The following KCNJ6 variants were observed in gnomAD, a reference collection of about 807,000 sequenced individuals.
KCNJ6 encodes the protein potassium inwardly rectifying channel subfamily J member 6, also known as G protein-activated inward rectifier potassium channel 2.
A neutral mutation model predicts 34.2 loss-of-function variants in KCNJ6; 9 were observed. The ratio of observed to expected loss-of-function variants is 0.26; its 90% CI spans 0.16 to 0.46. The LOEUF (loss-of-function observed/expected upper bound fraction) is 0.46, where lower values mean the gene tolerates loss of function less well. KCNJ6 is among the 20% of genes least tolerant of loss of function. The probability of loss-of-function intolerance (pLI) is 1.00; values close to 1 mark genes in which losing one functional copy is unlikely to be tolerated. For synonymous variants in KCNJ6, 196 were observed against 207.1 expected (o/e 0.95, Z 0.46); for missense variants, 236 against 531.3 (o/e 0.44, Z 5.46).
chr21:37,776,738 G>A (rs1406994088), intron 2 of KCNJ6, among the ~76,000 whole-genome samples: 1 of 152,174 alleles, frequency 6.6e-6, no homozygotes, highest in South Asian at 2.1e-4. Context: ...TGTGCTGCTG[G>A]ATTTGGTTTG....
At chr21:37,879,088 A>T (rs1415958944) in intron 1 of KCNJ6, among the ~76,000 whole-genome samples, 1 of 152,210 alleles carries the variant, frequency 6.6e-6, no homozygotes, top group African/African-American at 2.4e-5. Flanking sequence ...AGTCAATGCA[A>T]CAGACGGTGA....
At chr21:37,763,431 G>T (rs566332763) in intron 2 of KCNJ6, among the ~76,000 whole-genome samples, 265 of 152,292 alleles carry the variant, frequency 1.7e-3, no homozygotes, top group African/African-American at 6.1e-3. Flanking sequence ...GAGCCACAGA[G>T]CTCGGCCCTT....
chr21:37,799,628 C>T (rs2055259939), intron 2 of KCNJ6, among the ~76,000 whole-genome samples: 1 of 152,132 alleles, frequency 6.6e-6, no homozygotes, highest in Non-Finnish European at 1.5e-5. Context: ...CAGATATTCC[C>T]ATTTTGTAAA....
At chr21:37,803,451 G>A (rs2055279194) in intron 2 of KCNJ6, among the ~76,000 whole-genome samples, 1 of 152,302 alleles carries the variant, frequency 6.6e-6, no homozygotes, top group South Asian at 2.1e-4. Flanking sequence ...GAGATTCATG[G>A]TATATAGTGA....
intron 1 of KCNJ6, among the ~76,000 whole-genome samples, chr21:37,886,178 G>A (rs923254817): frequency 2.0e-5 from 3 of 152,100 alleles, no homozygotes; most frequent in Non-Finnish European, 1.5e-5. Flanking sequence ...AAAAAATTGG[G>A]GGTAGGGGAA....
In KCNJ6 at chr21:37,893,701, A is replaced by G. The variant is rs192005950; in HGVS notation, c.-28+22183T>C. 5.3e-3 allele frequency among the ~76,000 whole-genome samples: 493 copies of G among 92,566 alleles called. 4 individuals carry two copies. Among genetic ancestry groups the G allele is most frequent in the Admixed American group, 8.1e-3 (71 of 8,730 alleles). The allele number at this position is 92,566 out of a possible 152,430, so 60.7% of individuals were successfully genotyped here. On this transcript the variant is annotated intron_variant, in intron 1 of 3. Coordinates refer to ENST00000609713, the MANE Select transcript of KCNJ6 (RefSeq NM_002240.5). ...GCTTTTTGACATTTCTGTCCAACAA[A>G]TACTACCTTGGGTTCTGGATTATAT...
At chr21:37,816,851 G>GC (rs2055349360) in intron 2 of KCNJ6, among the ~76,000 whole-genome samples, 1 of 152,146 alleles carries the variant, frequency 6.6e-6, no homozygotes, top group South Asian at 2.1e-4. Flanking sequence ...AGAGAAGCAA[G>GC]CCCCCCGTCC....
chr21:37,740,612 C>G (rs966711932), intron 2 of KCNJ6, among the ~76,000 whole-genome samples: 11 of 152,234 alleles, frequency 7.2e-5, no homozygotes, highest in Non-Finnish European at 1.6e-4. Context: ...AAGCTGCACC[C>G]TGACCACCTT....
intron 1 of KCNJ6, among the ~76,000 whole-genome samples, chr21:37,854,136 C>CA (rs1601502619): frequency 6.6e-6 from 1 of 150,782 alleles, no homozygotes; most frequent in East Asian, 1.9e-4. Flanking sequence ...AATTAAAAAA[C>CA]AGAGATTAGC....
At chr21:37,762,865 G>A (rs947156554) in intron 2 of KCNJ6, among the ~76,000 whole-genome samples, 1 of 152,238 alleles carries the variant, frequency 6.6e-6, no homozygotes, top group African/African-American at 2.4e-5. Context: ...GCATGGGCCT[G>A]TCTGCAACAC....
At chr21:37,757,562 G>T (rs113617971) in intron 2 of KCNJ6, among the ~76,000 whole-genome samples, 2 of 142,070 alleles carry the variant, frequency 1.4e-5, no homozygotes, top group African/African-American at 5.2e-5. Flanking sequence ...CAGCATGATG[G>T]TTCCAGCCCA....
chr21:37,862,338 C>T (rs1252409630), intron 1 of KCNJ6, among the ~76,000 whole-genome samples: 1 of 152,152 alleles, frequency 6.6e-6, no homozygotes, highest in Non-Finnish European at 1.5e-5. Context: ...GCAGAGAAGT[C>T]TTCTATTTTA....
At chr21:37,717,855 GT>G (rs2054801997) in intron 2 of KCNJ6, among the ~76,000 whole-genome samples, 5 of 152,134 alleles carry the variant, frequency 3.3e-5, no homozygotes, top group Admixed American at 3.3e-4. Flanking sequence ...CTTAAAAAAT[GT>G]TACAAAGGAA....
chr21:37,744,765 A>G (rs2054958739), intron 2 of KCNJ6, among the ~76,000 whole-genome samples: 1 of 152,202 alleles, frequency 6.6e-6, no homozygotes, highest in Non-Finnish European at 1.5e-5. Flanking sequence ...AGGGAAGGCA[A>G]CAGTGGGGGG....
chr21:37,822,707 CTT>C (rs35862171), intron 2 of KCNJ6, among the ~76,000 whole-genome samples: 2 of 152,094 alleles, frequency 1.3e-5, no homozygotes, highest in African/African-American at 2.4e-5. Flanking sequence ...TTTTGATTGT[CTT>C]TTGTGAGGAT....
chr21:37,854,746 G>A (rs948857575), intron 1 of KCNJ6, among the ~76,000 whole-genome samples: 2 of 66,316 alleles, frequency 3.0e-5, no homozygotes, highest in African/African-American at 7.9e-5. Context: ...AATATCACAT[G>A]AGATATTCAT....
At chr21:37,650,145 C>T (rs1329234594) in intron 3 of KCNJ6, among the ~76,000 whole-genome samples, 1 of 152,150 alleles carries the variant, frequency 6.6e-6, no homozygotes, top group African/African-American at 2.4e-5. Flanking sequence ...TTTGATTCTG[C>T]CTGGTCCTTA....
chr21:37,666,925 G>A (rs1239327940), intron 3 of KCNJ6, among the ~76,000 whole-genome samples: 1 of 151,128 alleles, frequency 6.6e-6, no homozygotes, highest in Admixed American at 6.6e-5. Flanking sequence ...TGCAAGATGT[G>A]CTTTGTTAAA....
intron 2 of KCNJ6, among the ~76,000 whole-genome samples, chr21:37,751,888 C>T (rs964330413): frequency 6.6e-6 from 1 of 152,052 alleles, no homozygotes; most frequent in Admixed American, 6.6e-5. Context: ...TATGATAATT[C>T]CTCAATGCAT....
Sources: gnomAD v4.1 joint callset for allele counts (sites outside exome capture counted in the v4.1 genomes callset) on GRCh38, gnomAD v4.1.1 for gene constraint, MANE v1.5 for transcripts, NCBI Gene and HGNC (gene_info 2026-07-23, HGNC 2026-07-21) for gene names.